HDGF: variants seen among roughly 807,000 people sequenced by gnomAD.
The protein encoded by HDGF is heparin binding growth factor.
HDGF carries 5 observed loss-of-function variants against 30.0 expected under a neutral mutation model. That is an observed-to-expected ratio of 0.17 (90% CI 0.09 to 0.35). The LOEUF is 0.35. HDGF is among the 10% of genes least tolerant of loss of function. HDGF has a pLI of 1.00. For synonymous variants in HDGF, 133 were observed against 112.7 expected (o/e 1.18, Z -1.14); for missense variants, 214 against 302.8 (o/e 0.71, Z 2.18).
intron 1 of HDGF, among the ~76,000 whole-genome samples, chr1:156,760,434 C>A (rs747343614): frequency 6.6e-6 from 1 of 152,248 alleles, no homozygotes; most frequent in Non-Finnish European, 1.5e-5. Context: ...TGCTGGGCAG[C>A]AGCTCTGGCT....
intron 4 of HDGF, 137 bp from the exon 5 acceptor site, chr1:156,744,015 T>G: frequency 9.5e-7 from 1 of 1,051,738 alleles, no homozygotes; most frequent in South Asian, 1.3e-5. Context: ...ATGCCTTCTG[T>G]GTCCCATCTG....
rs756982976 is a variant in HDGF, at chr1:156,751,313, G to A, written c.87+30C>T. On this transcript the variant is annotated intron_variant, in intron 1 of 5. Transcript: ENST00000357325. The surrounding 1 kb of genome is among the most constrained non-coding windows in gnomAD (Gnocchi z 4.7). ...TGTTATGCAACCCAAGCCCGCAGGGGGTTAGGGGGCGGCGGGCCGCGCTGC... is the reference window on the plus strand; with the variant it reads ...TGTTATGCAACCCAAGCCCGCAGGGAGTTAGGGGGCGGCGGGCCGCGCTGC... 2.8e-5 allele frequency: 45 copies of A among 1,598,668 alleles called. No homozygotes were observed. Among genetic ancestry groups the A allele is most frequent in the Non-Finnish European group, 2.4e-5 (28 of 1,171,752 alleles).
intron 1 of HDGF, among the ~76,000 whole-genome samples, chr1:156,749,603 C>G (rs753083114): frequency 5.3e-5 from 8 of 152,214 alleles, no homozygotes; most frequent in Non-Finnish European, 1.2e-4. Flanking sequence ...TCCTTCCCTT[C>G]TGTCCTGGAG....
intron 1 of HDGF, among the ~76,000 whole-genome samples, chr1:156,765,873 A>C (rs759540883): frequency 1.3e-5 from 2 of 152,126 alleles, no homozygotes; most frequent in Non-Finnish European, 2.9e-5. Context: ...TTGAAAGCAG[A>C]TTTTAGAAAT....
chr1:156,743,572 G>A, intron 5 of HDGF, 80 bp downstream of exon 5: 2 of 1,555,666 alleles, frequency 1.3e-6, no homozygotes, highest in Non-Finnish European at 1.8e-6. Context: ...GCTGACCACT[G>A]CAGGCCCTTT....
At chr1:156,753,849 C>T (rs1651099174), upstream of HDGF, among the ~76,000 whole-genome samples, 1 of 152,128 alleles carries the variant, frequency 6.6e-6, no homozygotes, top group Non-Finnish European at 1.5e-5. Context: ...CGTGTCCGGC[C>T]TAGGTCGTTA....
At chr1:156,745,402 C>T in intron 1 of HDGF, 29 bp from the exon 2 acceptor site, 1 of 1,603,162 alleles carries the variant, frequency 6.2e-7, no homozygotes, top group Non-Finnish European at 8.5e-7. Flanking sequence ...GTGAGGTTAG[C>T]TAGAGTCCTG....
At chr1:156,757,665 C>A (rs985660202) in intron 2 of HDGF, among the ~76,000 whole-genome samples, 5 of 149,728 alleles carry the variant, frequency 3.3e-5, no homozygotes, top group African/African-American at 4.9e-5. Flanking sequence ...TGGTTGAGCA[C>A]AACTGTAGTC....
chr1:156,743,236 T>G lies in HDGF; in HGVS notation c.*213A>C, dbSNP rs1362189770. On this transcript the variant is annotated 3_prime_UTR_variant, in exon 6 of 6. Coordinates refer to ENST00000357325, the MANE Select transcript of HDGF (RefSeq NM_004494.3). ...GAAGACATGGCTCTGACTCAGATCATAGGAGTATGGGGACCTAGAGGTGAG... is the reference window on the plus strand; with the variant it reads ...GAAGACATGGCTCTGACTCAGATCAGAGGAGTATGGGGACCTAGAGGTGAG... The G allele has an allele frequency of 3.9e-6, 2 of 516,266 alleles. No individual in the cohort carries two copies. Among genetic ancestry groups the G allele is most frequent in the Non-Finnish European group, 6.9e-6 (2 of 290,484 alleles). The allele number at this position is 516,266 out of a possible 1,614,324, so 32.0% of individuals were successfully genotyped here.
In HDGF at chr1:156,751,567, C is replaced by G; in HGVS notation, c.-138G>C. The G allele has an allele frequency of 5.1e-6, 5 of 987,514 alleles. No homozygotes were observed. The highest frequency in any genetic ancestry group is 6.0e-6 in the Non-Finnish European group (5 of 832,188). The allele number at this position is 987,514 out of a possible 1,614,324, so 61.2% of individuals were successfully genotyped here. ...TCGATGGTGGCCCCCGGCCCGAGCT[C>G]CGGCGCGGCCACGGCGTCTCCGCCC... On this transcript the variant is annotated 5_prime_UTR_variant, in exon 1 of 6. Coordinates refer to ENST00000357325, the MANE Select transcript of HDGF (RefSeq NM_004494.3). This position sits in a 1 kb window ranked among gnomAD's most constrained non-coding sequence, Gnocchi z 4.7.
At chr1:156,751,863 C>G (rs1164075017), upstream of HDGF, 2 of 969,380 alleles carry the variant, frequency 2.1e-6, no homozygotes, top group Non-Finnish European at 2.8e-6. This position sits in a 1 kb window ranked among gnomAD's most constrained non-coding sequence, Gnocchi z 4.7. Context: ...GCCCAACGCC[C>G]AACCCGGAGC....
chr1:156,756,198 G>GCTGA (rs1256116385), upstream of HDGF, among the ~76,000 whole-genome samples: 20 of 152,194 alleles, frequency 1.3e-4, no homozygotes, highest in African/African-American at 4.8e-4. Context: ...ATTGCAGTGA[G>GCTGA]CTGAGATCAT....
chr1:156,752,049 C>G, upstream of HDGF: 1 of 1,551,450 alleles, frequency 6.4e-7, no homozygotes, highest in Non-Finnish European at 8.7e-7. Context: ...ACCGCGGCCC[C>G]AGCGCAGTTA....
At chr1:156,760,525 A>T (rs138395045) in intron 1 of HDGF, among the ~76,000 whole-genome samples, 1 of 152,318 alleles carries the variant, frequency 6.6e-6, no homozygotes, top group East Asian at 1.9e-4. Flanking sequence ...CACATTGCCT[A>T]TGGGCTCAGG....
In HDGF at chr1:156,765,423, TTC is replaced by T. The variant is rs1179853476; in HGVS notation, n.136+1365_136+1366del. Among the ~76,000 whole-genome samples the T allele has an allele frequency of 2.2e-4, 30 of 138,458 alleles. No homozygotes were observed. In the East Asian group the frequency reaches 2.4e-3, roughly 11 times the overall value. 90.8% of individuals were successfully genotyped at this position (138,458 alleles called of 152,430 possible). A position where few individuals can be genotyped will look rare whatever the true frequency, so the allele number is the denominator to read the frequency against. On this transcript the variant is annotated intron_variant and non_coding_transcript_variant, in intron 1 of 7. Coordinates refer to the HDGF transcript ENST00000465180. Reference sequence around the variant, plus strand: ...TATCCATTTTTCTTTCTTTCTTTCTTTCTCTTTCTTTCTTTCCTTTCTTTCCT... The same window carrying T: ...TATCCATTTTTCTTTCTTTCTTTCTTTCTTTCTTTCTTTCCTTTCTTTCCT...
chr1:156,762,537 T>G (rs11264538), intron 1 of HDGF, among the ~76,000 whole-genome samples: 6,465 of 152,132 alleles, frequency 0.042, 483 homozygotes, highest in African/African-American at 0.15. Context: ...AAAGCCACTT[T>G]GTACCTCTGG....
At chr1:156,767,360 G>A (rs905137372), upstream of HDGF, 1 of 217,386 alleles carries the variant, frequency 4.6e-6, no homozygotes, top group Non-Finnish European at 9.4e-6. Context: ...CTGCGTCAGA[G>A]GCGGGTTTCT....
At chr1:156,761,962 TA>T (rs138667606) in intron 1 of HDGF, among the ~76,000 whole-genome samples, 34,388 of 131,594 alleles carry the variant, frequency 0.26, 5,365 homozygotes, top group Non-Finnish European at 0.36. Flanking sequence ...ATTAATTAAT[TA>T]AAAAAAAAAC....
At chr1:156,757,112 A>G (rs1286598816), upstream of HDGF, among the ~76,000 whole-genome samples, 2 of 151,834 alleles carry the variant, frequency 1.3e-5, no homozygotes, top group African/African-American at 4.8e-5. Context: ...TTTTTTGAAA[A>G]AGGGAAAATT....
Sources: gnomAD v4.1 joint callset for allele counts (sites outside exome capture counted in the v4.1 genomes callset) on GRCh38, gnomAD v4.1.1 for gene constraint, Gnocchi (gnomAD v3.1) non-coding constraint, MANE v1.5 for transcripts, NCBI Gene and HGNC (gene_info 2026-07-23, HGNC 2026-07-21) for gene names.